Variants in AGO3 observed in about 807,000 individuals in gnomAD.
AGO3 encodes the protein protein argonaute-3.
In AGO3, 16 loss-of-function variants were observed where a neutral mutation model predicts 105.5. The ratio of observed to expected loss-of-function variants is 0.15; its 90% confidence interval spans 0.10 to 0.23. AGO3 has a LOEUF of 0.23. AGO3 is among the 10% of genes least tolerant of loss of function. The probability of loss-of-function intolerance (pLI) is 1.00; values close to 1 mark genes in which losing one functional copy is unlikely to be tolerated. For missense variants in AGO3, 534 were observed against 1,088.0 expected (o/e 0.49, Z 7.16); for synonymous variants, 340 against 367.3 (o/e 0.93, Z 0.85).
In AGO3 at chr1:36,068,120, C is replaced by T. The variant is rs541750895; in HGVS notation, c.*12375C>T. 6.6e-6 allele frequency: 1 copy of T among 152,218 alleles called. No homozygotes were observed. Among genetic ancestry groups the T allele is most frequent in the South Asian group, 2.1e-4 (1 of 4,828 alleles). 9.4% of individuals were successfully genotyped at this position (152,218 alleles called of 1,614,324 possible). A position where few individuals can be genotyped will look rare whatever the true frequency, so the allele number is the denominator to read the frequency against. On this transcript the variant is annotated 3_prime_UTR_variant, in exon 19 of 19. Transcript: ENST00000373191. ...TTTTTCCCCATCACACACACTCACA[C>T]ACAAACACACACACTGTTAAAAATA...
chr1:35,976,595 A>G (rs1279677339), intron 5 of AGO3, among the ~76,000 whole-genome samples: 1 of 152,140 alleles, frequency 6.6e-6, no homozygotes, highest in Non-Finnish European at 1.5e-5. Flanking sequence ...GTATGTATAC[A>G]TTGTCATATT....
intron 1 of AGO3, among the ~76,000 whole-genome samples, chr1:35,936,069 A>T (rs866788196): frequency 1.3e-5 from 2 of 152,324 alleles, no homozygotes; most frequent in South Asian, 4.1e-4. Flanking sequence ...GTTGTCTTGG[A>T]TACTGAATAG....
intron 17 of AGO3, among the ~76,000 whole-genome samples, chr1:36,046,690 G>C (rs1309279431): frequency 7.8e-6 from 1 of 128,180 alleles, no homozygotes; most frequent in Non-Finnish European, 1.6e-5. Context: ...AATTGAAGGA[G>C]TACATTGCAT....
chr1:35,993,934 CAG>C (rs1377629234), intron 5 of AGO3, among the ~76,000 whole-genome samples: 1 of 149,140 alleles, frequency 6.7e-6, no homozygotes, highest in Admixed American at 6.7e-5. Context: ...TTAGTAGAGA[CAG>C]GGTTTCACCA....
intron 11 of AGO3, among the ~76,000 whole-genome samples, chr1:36,018,138 T>A (rs1557689355): frequency 6.6e-6 from 1 of 151,522 alleles, no homozygotes; most frequent in East Asian, 2.0e-4. Flanking sequence ...CACGCCCAAC[T>A]AATTTTTTGT....
At chr1:36,014,220 G>A (rs1209145392) in intron 11 of AGO3, among the ~76,000 whole-genome samples, 172 bp downstream of exon 11, 2 of 151,464 alleles carry the variant, frequency 1.3e-5, no homozygotes, top group African/African-American at 4.8e-5. Flanking sequence ...GTGTAGTGGC[G>A]TGATCCCAGC....
intron 5 of AGO3, chr1:35,982,593 T>C: frequency 2.8e-6 from 2 of 717,126 alleles, no homozygotes; most frequent in Non-Finnish European, 5.2e-6. Context: ...TTAAGAAGGA[T>C]AGTGACATGA....
Position 36,062,196 on chromosome 1 carries a change from T to C in AGO3, c.*6451T>C, listed in dbSNP as rs544837756. Reference sequence around the variant, plus strand: ...TTTTTTTTTTGAGACAAAGTCTTGCTCTGTCACCTAGGCTGGAGTGCAGTG... The same window carrying C: ...TTTTTTTTTTGAGACAAAGTCTTGCCCTGTCACCTAGGCTGGAGTGCAGTG... On this transcript the variant is annotated 3_prime_UTR_variant, in exon 19 of 19. Transcript: ENST00000373191. 1.3e-5 allele frequency: 2 copies of C among 148,240 alleles called. No individual in the cohort carries two copies. The highest frequency in any genetic ancestry group is 3.0e-5 in the Non-Finnish European group (2 of 67,342). 9.2% of individuals were successfully genotyped at this position (148,240 alleles called of 1,614,324 possible).
intron 2 of AGO3, among the ~76,000 whole-genome samples, chr1:35,962,019 C>T (rs548951921): frequency 2.1e-4 from 32 of 152,314 alleles, no homozygotes; most frequent in African/African-American, 7.7e-4. Context: ...TAGCTTTTAA[C>T]ATAGTAATTT....
Position 36,008,725 on chromosome 1 carries a change from A to C in AGO3, c.829A>C (p.Arg277=). 6.2e-7 allele frequency: 1 copy of C among 1,614,178 alleles called. No individual in the cohort carries two copies. The highest frequency in any genetic ancestry group is 8.5e-7 in the Non-Finnish European group (1 of 1,180,034). ...KVEVTHCGTM[R]RKYRVCNVTR... ...TGAAGTGACTCATTGTGGAACAATG[A>C]GACGGAAATACCGTGTTTGTAATGT... Residue 277 remains arginine, a synonymous_variant, in exon 7 of 19, where the codon AGA becomes CGA. Transcript: ENST00000373191. The surrounding 1 kb of genome is among the most constrained non-coding windows in gnomAD (Gnocchi z 5.1).
At chr1:36,011,896 A>G (rs552194450) in intron 9 of AGO3, among the ~76,000 whole-genome samples, 2 of 152,232 alleles carry the variant, frequency 1.3e-5, no homozygotes, top group Non-Finnish European at 2.9e-5. Context: ...AAAATGTATC[A>G]TTAAGCACTT....
At position 36,008,130 on chromosome 1, in the gene AGO3, G is replaced by A. The variant is rs1640421269; in HGVS notation, c.794-560G>A. Among the ~76,000 whole-genome samples, 2 of 152,294 alleles carry A rather than the reference G, an allele frequency of 1.3e-5. No homozygotes were observed. Among genetic ancestry groups the A allele is most frequent in the African/African-American group, 2.4e-5 (1 of 41,568 alleles). On this transcript the variant is annotated intron_variant, in intron 6 of 18. Coordinates refer to ENST00000373191, the MANE Select transcript of AGO3 (RefSeq NM_024852.4). This position sits in a 1 kb window ranked among gnomAD's most constrained non-coding sequence, Gnocchi z 5.1. The stretch of plus-strand genomic sequence containing the variant: ...TTTTTAATAGTATTGGAAAAGAGCT[G>A]TGTCACTATATTATACCTCTATAAA...
chr1:35,936,737 T>TA (rs1224193211), intron 1 of AGO3, among the ~76,000 whole-genome samples: 1 of 152,144 alleles, frequency 6.6e-6, no homozygotes, highest in African/African-American at 2.4e-5. Context: ...ATTTTTAGAT[T>TA]AAAAAAATAT....
intron 12 of AGO3, among the ~76,000 whole-genome samples, chr1:36,028,935 G>A (rs2148836280): frequency 6.6e-6 from 1 of 152,112 alleles, no homozygotes; most frequent in East Asian, 1.9e-4. Context: ...TAAACCTTGG[G>A]CTCCCAAAGT....
At chr1:36,040,017 G>T in intron 15 of AGO3, 33 bp downstream of exon 15, 1 of 1,566,402 alleles carries the variant, frequency 6.4e-7, no homozygotes, top group Non-Finnish European at 8.7e-7. Flanking sequence ...AGACTATGGT[G>T]AAATCAGATA....
intron 1 of AGO3, among the ~76,000 whole-genome samples, chr1:35,943,110 C>G (rs1646287721): frequency 1.3e-5 from 2 of 151,704 alleles, no homozygotes; most frequent in Non-Finnish European, 2.9e-5. Context: ...TCAAGTGATT[C>G]TCCTGCCTCA....
intron 5 of AGO3, among the ~76,000 whole-genome samples, chr1:35,975,708 G>C (rs548164091): frequency 4.3e-4 from 66 of 152,056 alleles, no homozygotes; most frequent in Non-Finnish European, 8.1e-4. Flanking sequence ...TTATGTATAA[G>C]CTTTAGAAAT....
chr1:36,037,062 G>A (rs528080650), intron 14 of AGO3, among the ~76,000 whole-genome samples: 2,305 of 152,118 alleles, frequency 0.015, 50 homozygotes, highest in African/African-American at 0.052. Flanking sequence ...TGCTCTCTGT[G>A]TTTGTAACCT....
chr1:36,038,555 T>C (rs2148847795), intron 14 of AGO3, among the ~76,000 whole-genome samples: 1 of 152,192 alleles, frequency 6.6e-6, no homozygotes, highest in East Asian at 1.9e-4. Flanking sequence ...GTGCCCGGCC[T>C]GGATTTATTC....
Sources: gnomAD v4.1 joint callset for allele counts (sites outside exome capture counted in the v4.1 genomes callset) on GRCh38, gnomAD v4.1.1 for gene constraint, Gnocchi (gnomAD v3.1) non-coding constraint, MANE v1.5 for transcripts, NCBI Gene and HGNC (gene_info 2026-07-23, HGNC 2026-07-21) for gene names.